Variants in APOB observed in about 807,000 individuals in gnomAD.
APOB encodes the protein apolipoprotein B-100.
In APOB, 153 loss-of-function variants were observed where a neutral mutation model predicts 314.1. The ratio of observed to expected loss-of-function variants is 0.49; its 90% CI spans 0.43 to 0.56. APOB has a LOEUF of 0.56. Ranked by LOEUF, APOB falls within the 20% of genes least tolerant of loss-of-function variation. APOB has a pLI of 0.00. For synonymous variants in APOB, 2,087 were observed against 2,036.4 expected (o/e 1.02, Z -0.67); for missense variants, 5,430 against 5,350.7 (o/e 1.01, Z -0.46).
At chr2:21,031,307 G>C (rs1476461575) in intron 10 of APOB, among the ~76,000 whole-genome samples, 1 of 152,208 alleles carries the variant, frequency 6.6e-6, no homozygotes. Flanking sequence ...CAGCAACATG[G>C]ATGGAACTGG....
Position 21,007,430 on chromosome 2 carries a change from TGGA to T in APOB, c.9435_9437del (p.Pro3146del). On this transcript the variant is annotated inframe_deletion, in exon 26 of 29. Coordinates refer to ENST00000233242, the MANE Select transcript of APOB (RefSeq NM_000384.3). ...TTTCCCATAGAGAGAAATCTTTCAGTGGAGGAGTTGTGATTATTGTGTAAGGTA... is the reference window on the plus strand; with the variant it reads ...TTTCCCATAGAGAGAAATCTTTCAGTGGAGTTGTGATTATTGTGTAAGGTA... 1 of 1,614,058 alleles carries T rather than the reference TGGA, an allele frequency of 6.2e-7. No homozygotes were observed. Among genetic ancestry groups the T allele is most frequent in the Non-Finnish European group, 8.5e-7 (1 of 1,179,956 alleles).
chr2:21,005,738 G>A lies in APOB; in HGVS notation c.11130C>T (p.Tyr3710=). 1 of 1,613,908 alleles carries A rather than the reference G, an allele frequency of 6.2e-7. No homozygotes were observed. The highest frequency in any genetic ancestry group is 8.5e-7 in the Non-Finnish European group (1 of 1,179,928). Residue 3710 remains tyrosine (Y), a synonymous_variant, in exon 26 of 29, where the codon TAC becomes TAT. Transcript: ENST00000233242. The part of the protein sequence containing the change: ...QHLRVSTAFV[Y]TKNPNGYSFS... ...ATGAATAGCCATTGGGGTTTTTGGTGTACACAAAGGCAGTTGAAACACGAA... is the reference window on the plus strand; with the variant it reads ...ATGAATAGCCATTGGGGTTTTTGGTATACACAAAGGCAGTTGAAACACGAA...
At position 21,004,641 on chromosome 2, in the gene APOB, T is replaced by C. The variant is rs760679295; in HGVS notation, c.11823A>G (p.Leu3941=). The C allele has an allele frequency of 1.2e-5, 20 of 1,613,812 alleles. No individual in the cohort carries two copies. In the Middle Eastern group the frequency reaches 1.2e-3, roughly 93 times the overall value. Reference sequence around the variant, plus strand: ...CAAATGTTCCTTTAGTCTTAGAGGCTAACGTACCATCTTCGATTTTGTGTG... The same window carrying C: ...CAAATGTTCCTTTAGTCTTAGAGGCCAACGTACCATCTTCGATTTTGTGTG... ...LGTHKIEDGT[L]ASKTKGTFAH... is the part of the protein sequence containing the mutation. The change falls in exon 27 of 29, where the codon TTA becomes TTG. Residue 3941 remains leucine, a synonymous_variant. Transcript: ENST00000233242.
chr2:21,011,716 T>TCA lies in APOB; in HGVS notation c.5150_5151dup (p.Ile1718Ter), dbSNP rs751198040. On this transcript the variant is annotated frameshift_variant, in exon 26 of 29. Coordinates refer to ENST00000233242, the MANE Select transcript of APOB (RefSeq NM_000384.3). LOFTEE classifies it high-confidence loss of function. ...ATGTTTTTGCTGTCGACACCCAGAATCATGGCCTGATAAGCACTTCCCAGT... is the reference window on the plus strand; with the variant it reads ...ATGTTTTTGCTGTCGACACCCAGAATCACATGGCCTGATAAGCACTTCCCAGT... The TCA allele has an allele frequency of 1.9e-6, 3 of 1,614,204 alleles. No individual in the cohort carries two copies. Among genetic ancestry groups the TCA allele is most frequent in the Non-Finnish European group, 2.5e-6 (3 of 1,180,034 alleles).
chr2:21,008,006 G>C lies in APOB; in HGVS notation c.8862C>G (p.Leu2954=). Reference sequence around the variant, plus strand: ...TCTTATTGGACAGTCCAAAGGAAGTGAGGGGTCCTTCTATGGTGAAACTAA... The same window carrying C: ...TCTTATTGGACAGTCCAAAGGAAGTCAGGGGTCCTTCTATGGTGAAACTAA... ...SQISFTIEGP[L]TSFGLSNKIN... The change falls in exon 26 of 29, where the codon CTC becomes CTG. Residue 2954 remains leucine (L), a synonymous_variant. Coordinates refer to ENST00000233242, the MANE Select transcript of APOB (RefSeq NM_000384.3). 1.2e-6 allele frequency: 2 copies of C among 1,614,104 alleles called. No individual in the cohort carries two copies. The highest frequency in any genetic ancestry group is 4.5e-5 in the East Asian group (2 of 44,878).
chr2:21,019,606 A>G (rs1663548701), intron 19 of APOB, 117 bp downstream of exon 19: 2 of 1,145,698 alleles, frequency 1.7e-6, no homozygotes, highest in Admixed American at 2.0e-5. Flanking sequence ...AGATGGTGCA[A>G]ACCCAGAAGG....
At position 21,009,049 on chromosome 2, in the gene APOB, G is replaced by A; in HGVS notation, c.7819C>T (p.Leu2607Phe). 3 of 1,614,102 alleles carry A rather than the reference G, an allele frequency of 1.9e-6. No individual in the cohort carries two copies. Among genetic ancestry groups the A allele is most frequent in the South Asian group, 2.2e-5 (2 of 91,084 alleles). The change falls in exon 26 of 29, where the codon CTT becomes TTT. Residue 2607 changes from leucine (L) to phenylalanine (F), a missense_variant. Leu to Phe is a conservative substitution (Grantham distance 22, BLOSUM62 0). Coordinates refer to ENST00000233242, the MANE Select transcript of APOB (RefSeq NM_000384.3). ...MPAFEVSLQA[L>F]QKATFQTPDF... ...GGTGTCTGGAAGGTAGCTTTCTGAA[G>A]AGCCTGAAGACTGACTTCAAAGGCA...
chr2:21,036,443 T>A (rs1280143659), intron 6 of APOB, among the ~76,000 whole-genome samples: 1 of 152,130 alleles, frequency 6.6e-6, no homozygotes, highest in African/African-American at 2.4e-5. Flanking sequence ...ATTGCCCAAG[T>A]TATTCATGTT....
chr2:21,022,694 T>C, intron 18 of APOB, 137 bp downstream of exon 18: 1 of 759,560 alleles, frequency 1.3e-6, no homozygotes. Flanking sequence ...TAACCCGGAA[T>C]CTTTCCTTTC....
intron 20 of APOB, among the ~76,000 whole-genome samples, chr2:21,018,562 G>A (rs1409274423): frequency 3.3e-5 from 5 of 152,022 alleles, no homozygotes; most frequent in South Asian, 2.1e-4. Context: ...CTTACCACAC[G>A]GCTTCTCCTC....
rs145661815 is a variant in APOB at position 21,037,138 on chromosome 2, G to C, written c.655C>G (p.Arg219Gly). 2 of 1,614,222 alleles carry C rather than the reference G, an allele frequency of 1.2e-6. No homozygotes were observed. The highest frequency in any genetic ancestry group is 4.5e-5 in the East Asian group (2 of 44,878). ...AGAGCAAGTGGGCTGATGCCTGTGCGGATGGGCTTGAAGCGATCACACTGC... is the reference window on the plus strand; with the variant it reads ...AGAGCAAGTGGGCTGATGCCTGTGCCGATGGGCTTGAAGCGATCACACTGC... ...LGQCDRFKPI[R>G]TGISPLALIK... The change falls in exon 6 of 29, where the codon CGC (arginine) becomes GGC (glycine). Residue 219 changes from arginine (R) to glycine (G), a missense_variant. Arg to Gly is a moderately radical substitution (Grantham distance 125, BLOSUM62 -2). Transcript: ENST00000233242.
intron 21 of APOB, among the ~76,000 whole-genome samples, chr2:21,015,788 C>A (rs1355459805): frequency 6.6e-6 from 1 of 152,208 alleles, no homozygotes; most frequent in Non-Finnish European, 1.5e-5. Flanking sequence ...CTGCTATTTA[C>A]TAGCTCTGTG....
At chr2:21,031,855 C>CAACAACAACAAAAAAAA (rs1663890609) in intron 10 of APOB, among the ~76,000 whole-genome samples, 2 of 151,182 alleles carry the variant, frequency 1.3e-5, no homozygotes, top group African/African-American at 4.9e-5. Flanking sequence ...CTCAAAAAAA[C>CAACAACAACAAAAAAAA]AACAACAACA....
At position 21,002,939 on chromosome 2, in the gene APOB, T is replaced by C. The variant is rs766623212; in HGVS notation, c.12483A>G (p.Gln4161=). 13 of 1,612,384 alleles carry C rather than the reference T, an allele frequency of 8.1e-6. No individual in the cohort carries two copies. Among genetic ancestry groups the C allele is most frequent in the Non-Finnish European group, 1.1e-5 (13 of 1,179,040 alleles). ...LYQELLTQEG[Q]ASFQGLKDNV... is the part of the protein sequence containing the mutation. ...TATCCTTGAGTCCCTGGAAACTGGC[T>C]TGGCCTTCCTGAGTCAACAGTTCCT... Residue 4161 remains glutamine, a synonymous_variant, in exon 29 of 29, where the codon CAA becomes CAG. Transcript: ENST00000233242.
In APOB at chr2:21,006,986, T is replaced by C. The variant is rs1663162162; in HGVS notation, c.9882A>G (p.Ser3294=). The C allele has an allele frequency of 6.2e-7, 1 of 1,613,938 alleles. No individual in the cohort carries two copies. The highest frequency in any genetic ancestry group is 1.1e-5 in the South Asian group (1 of 91,090). ...SILGSDVRVP[S]YTLILPSLEL... is the part of the protein sequence containing the mutation. ...CTAATGATGGCAGGATTAATGTGTATGAAGGCACACGGACGTCAGAACCTA... is the reference window on the plus strand; with the variant it reads ...CTAATGATGGCAGGATTAATGTGTACGAAGGCACACGGACGTCAGAACCTA... Residue 3294 remains serine, a synonymous_variant, in exon 26 of 29, where the codon TCA becomes TCG. Coordinates refer to ENST00000233242, the MANE Select transcript of APOB (RefSeq NM_000384.3).
rs1663222922 is a variant in APOB, at chr2:21,008,788, T to A, written c.8080A>T (p.Arg2694Trp). ...GGAATGTCCTCCACCTTCAGATCCC[T>A]GAGATATATATCTGGAACGGGCCAC... ...LQWPVPDIYL[R>W]DLKVEDIPLA... Residue 2694 changes from arginine to tryptophan, a missense_variant, in exon 26 of 29, where the codon AGG becomes TGG. Arg to Trp is a moderately radical substitution (Grantham distance 101). Transcript: ENST00000233242. 1 of 1,613,988 alleles carries A rather than the reference T, an allele frequency of 6.2e-7. No individual in the cohort carries two copies. Among genetic ancestry groups the A allele is most frequent in the Non-Finnish European group, 8.5e-7 (1 of 1,179,882 alleles).
rs1424167645 is a variant in APOB, at chr2:21,007,889, A to T, written c.8979T>A (p.Asp2993Glu). The change falls in exon 26 of 29, where the codon GAT becomes GAA. Residue 2993 changes from aspartate to glutamate, a missense_variant. Physicochemically the swap from Asp to Glu is conservative, Grantham distance 45. Coordinates refer to ENST00000233242, the MANE Select transcript of APOB (RefSeq NM_000384.3). ...GAACACTGTGGCCCACATGCTGGGA[A>T]TCGACTTGTGATTGAATTTCAAGTT... ...FSKLEIQSQV[D>E]SQHVGHSVLT... 2 of 1,613,954 alleles carry T rather than the reference A, an allele frequency of 1.2e-6. No individual in the cohort carries two copies. Among genetic ancestry groups the T allele is most frequent in the East Asian group, 2.2e-5 (1 of 44,896 alleles).
At position 21,028,040 on chromosome 2, in the gene APOB, G is replaced by A; in HGVS notation, c.1855C>T (p.Leu619=). Residue 619 remains leucine (L), a synonymous_variant, in exon 14 of 29, where the codon CTG becomes TTG. Transcript: ENST00000233242. The stretch of plus-strand genomic sequence containing the variant: ...ACAGTTGGAAGTTGAGATTCTTTCA[G>A]AGCTTCTTTCACTAACTTTTTCAGA... ...QDLKKLVKEA[L]KESQLPTVMD... is the part of the protein sequence containing the mutation. 6.2e-7 allele frequency: 1 copy of A among 1,612,586 alleles called. No homozygotes were observed. The highest frequency in any genetic ancestry group is 8.5e-7 in the Non-Finnish European group (1 of 1,178,588).
rs765836155 is a variant in APOB at position 21,007,861 on chromosome 2, T to C, written c.9007A>G (p.Thr3003Ala). The C allele has an allele frequency of 6.2e-7, 1 of 1,614,100 alleles. No individual in the cohort carries two copies. The highest frequency in any genetic ancestry group is 8.5e-7 in the Non-Finnish European group (1 of 1,179,968). The change falls in exon 26 of 29, where the codon ACT becomes GCT. Residue 3003 changes from threonine to alanine, a missense_variant. By Grantham distance (58) the Thr-to-Ala change is moderately conservative (BLOSUM62 0). Transcript: ENST00000233242. ...DSQHVGHSVL[T>A]AKGMALFGEG... ...CCAAACAGTGCCATGCCTTTAGCAG[T>C]TAGAACACTGTGGCCCACATGCTGG...
Sources: allele counts gnomAD v4.1 joint callset (sites outside exome capture counted in the v4.1 genomes callset), GRCh38; gene constraint gnomAD v4.1.1; transcripts MANE v1.5; gene names NCBI Gene and HGNC (gene_info 2026-07-23, HGNC 2026-07-21).